Variants in OPCML observed in about 807,000 individuals in gnomAD.
The protein encoded by OPCML is opioid binding protein/cell adhesion molecule like, also known as opioid-binding protein/cell adhesion molecule.
OPCML carries 13 observed loss-of-function variants against 37.8 expected under a neutral mutation model. The observed-to-expected ratio is 0.34, with a 90% CI of 0.22 to 0.55. The LOEUF is 0.55. Ranked by LOEUF, OPCML falls within the 20% of genes least tolerant of loss-of-function variation. OPCML has a pLI of 0.91. For missense variants in OPCML, 341 were observed against 435.6 expected, an observed-to-expected ratio of 0.78 and a Z score of 1.93; for synonymous variants, 176 against 168.8, an observed-to-expected ratio of 1.04 and a Z score of -0.33.
chr11:132,515,777 A>G (rs927951994), intron 4 of OPCML, among the ~76,000 whole-genome samples: 2 of 152,146 alleles, frequency 1.3e-5, no homozygotes, highest in Non-Finnish European at 2.9e-5. Flanking sequence ...CACTACCATC[A>G]TTTCTAGAGT....
chr11:132,504,438 A>G (rs2096252031), intron 4 of OPCML, among the ~76,000 whole-genome samples: 1 of 152,178 alleles, frequency 6.6e-6, no homozygotes, highest in African/African-American at 2.4e-5. Context: ...CTCACACTAT[A>G]TCTGTGGGTC....
intron 1 of OPCML, among the ~76,000 whole-genome samples, chr11:133,159,246 C>A (rs939858216): frequency 5.3e-5 from 8 of 152,186 alleles, no homozygotes; most frequent in African/African-American, 1.9e-4. Flanking sequence ...TGCTTCATTC[C>A]CATGAGGGCT....
chr11:132,901,893 A>C (rs1944076292), intron 2 of OPCML, among the ~76,000 whole-genome samples: 1 of 152,218 alleles, frequency 6.6e-6, no homozygotes, highest in Admixed American at 6.5e-5. Flanking sequence ...CTTGGAATTC[A>C]CAAGGGAATC....
At chr11:133,515,441 C>A (rs1185217629) in intron 1 of OPCML, among the ~76,000 whole-genome samples, 3 of 152,194 alleles carry the variant, frequency 2.0e-5, no homozygotes, top group African/African-American at 7.2e-5. Flanking sequence ...TCATACAATG[C>A]ACAGGAAATT....
At chr11:132,703,854 A>T (rs1943929515) in intron 2 of OPCML, among the ~76,000 whole-genome samples, 1 of 152,120 alleles carries the variant, frequency 6.6e-6, no homozygotes, top group Admixed American at 6.5e-5. Context: ...TGAGTCCATG[A>T]ATCTAGCCTG....
chr11:132,765,373 G>T (rs1267680075), intron 2 of OPCML, among the ~76,000 whole-genome samples: 1 of 152,168 alleles, frequency 6.6e-6, no homozygotes, highest in African/African-American at 2.4e-5. Context: ...TAAAGGAGAA[G>T]TTCTCCCAGG....
chr11:133,330,604 G>C (rs1477247026), intron 1 of OPCML, among the ~76,000 whole-genome samples: 1 of 150,936 alleles, frequency 6.6e-6, no homozygotes, highest in Non-Finnish European at 1.5e-5. Flanking sequence ...CCAAACACCA[G>C]ATGTTCTCAC....
chr11:132,739,267 C>T (rs1039318696), intron 2 of OPCML, among the ~76,000 whole-genome samples: 6 of 152,212 alleles, frequency 3.9e-5, no homozygotes, highest in Non-Finnish European at 7.3e-5. Flanking sequence ...AAGTCCCAAG[C>T]ACCCTTTTGT....
At chr11:133,255,187 C>A (rs973878732) in intron 1 of OPCML, among the ~76,000 whole-genome samples, 1 of 152,134 alleles carries the variant, frequency 6.6e-6, no homozygotes, top group East Asian at 1.9e-4. Context: ...CCAGTGCCTG[C>A]ATGTGCTGGT....
rs531914138 is a variant in OPCML at position 132,900,141 on chromosome 11, A to C, written c.146+42785T>G. On this transcript the variant is annotated intron_variant, in intron 2 of 7. Transcript: ENST00000524381. The stretch of plus-strand genomic sequence containing the variant: ...ACTTGCATTCTTTTTATCAGCTCTT[A>C]ACTGCAAAGCAATTCCAAGTAGCCA... Among the ~76,000 whole-genome samples the C allele has an allele frequency of 4.6e-5, 7 of 152,272 alleles. No homozygotes were observed. The East Asian group carries it at 9.6e-4, about 21-fold the overall frequency.
At chr11:133,505,464 C>T (rs1322793771) in intron 1 of OPCML, among the ~76,000 whole-genome samples, 1 of 152,210 alleles carries the variant, frequency 6.6e-6, no homozygotes, top group East Asian at 1.9e-4. Context: ...CTCCTACCAC[C>T]AAATGCACCT....
At chr11:133,399,774 C>T (rs1428447749) in intron 1 of OPCML, among the ~76,000 whole-genome samples, 1 of 151,970 alleles carries the variant, frequency 6.6e-6, no homozygotes, top group Non-Finnish European at 1.5e-5. Context: ...CAGATTTCTA[C>T]TTCCTTAAGC....
chr11:132,554,882 T>TG (rs986240818), intron 3 of OPCML, among the ~76,000 whole-genome samples: 1 of 140,130 alleles, frequency 7.1e-6, no homozygotes, highest in Non-Finnish European at 1.5e-5. Context: ...TTTTTTTTTT[T>TG]TTTTTTTTTC....
chr11:133,145,201 A>G (rs372114787), intron 1 of OPCML, among the ~76,000 whole-genome samples: 13 of 152,240 alleles, frequency 8.5e-5, no homozygotes, highest in African/African-American at 2.9e-4. Context: ...ACGATTAATG[A>G]CAGTGCTATA....
At chr11:132,829,751 T>C (rs1021612562) in intron 2 of OPCML, among the ~76,000 whole-genome samples, 14 of 152,210 alleles carry the variant, frequency 9.2e-5, no homozygotes, top group African/African-American at 3.4e-4. Context: ...TTTGGTTTTC[T>C]GGTTATAGTC....
At chr11:133,077,884 A>G (rs1948648300) in intron 1 of OPCML, among the ~76,000 whole-genome samples, 1 of 152,260 alleles carries the variant, frequency 6.6e-6, no homozygotes, top group South Asian at 2.1e-4. Context: ...AGAATGTGGA[A>G]TACAAGCACT....
intron 1 of OPCML, among the ~76,000 whole-genome samples, chr11:133,112,676 C>T (rs947472336): frequency 6.6e-6 from 1 of 152,142 alleles, no homozygotes; most frequent in Non-Finnish European, 1.5e-5. Context: ...GTCCCAGGTT[C>T]ACCAGTCCTG....
intron 1 of OPCML, among the ~76,000 whole-genome samples, chr11:133,184,262 A>C (rs59617732): frequency 0.01 from 1,543 of 152,360 alleles, 38 homozygotes; most frequent in African/African-American, 0.035. Flanking sequence ...ATATTATGCC[A>C]AGTGGGAAAA....
intron 1 of OPCML, among the ~76,000 whole-genome samples, chr11:133,029,260 C>T (rs1465772309): frequency 6.6e-6 from 1 of 152,136 alleles, no homozygotes; most frequent in Non-Finnish European, 1.5e-5. Context: ...AATGTTTATA[C>T]ACAGTTGGTG....
Sources: allele counts gnomAD v4.1 joint callset (sites outside exome capture counted in the v4.1 genomes callset), GRCh38; gene constraint gnomAD v4.1.1; transcripts MANE v1.5; gene names NCBI Gene and HGNC (gene_info 2026-07-23, HGNC 2026-07-21).